Variants in ECT2 observed in about 807,000 individuals in gnomAD.
The protein encoded by ECT2 is protein ECT2.
ECT2 carries 61 observed loss-of-function variants against 116.9 expected under a neutral mutation model. The observed-to-expected ratio is 0.52, with a 90% confidence interval of 0.42 to 0.65. The LOEUF (loss-of-function observed/expected upper bound fraction) is 0.65, where lower values mean the gene tolerates loss of function less well. Ranked by LOEUF, ECT2 falls within the 30% of genes least tolerant of loss-of-function variation. ECT2 has a pLI of 0.00. For missense variants in ECT2, 937 were observed against 1,078.7 expected (o/e 0.87, Z 1.84); for synonymous variants, 358 against 346.4 (o/e 1.03, Z -0.37).
At chr3:172,757,681 C>T (rs1026334710) in intron 5 of ECT2, among the ~76,000 whole-genome samples, 1 of 152,110 alleles carries the variant, frequency 6.6e-6, no homozygotes, top group Non-Finnish European at 1.5e-5. Context: ...TCTCAAAGTT[C>T]TGGGATTACA....
chr3:172,799,614 C>G (rs1400450097), intron 18 of ECT2, among the ~76,000 whole-genome samples: 1 of 152,146 alleles, frequency 6.6e-6, no homozygotes, highest in Non-Finnish European at 1.5e-5. Flanking sequence ...TACTGGTGGT[C>G]CTTTCTGTAG....
At chr3:172,779,742 CAAA>C (rs1722358492) in intron 14 of ECT2, among the ~76,000 whole-genome samples, 1 of 151,458 alleles carries the variant, frequency 6.6e-6, no homozygotes, top group South Asian at 2.1e-4. Context: ...CCCATTTTTG[CAAA>C]AAATAAAACA....
intron 1 of ECT2, among the ~76,000 whole-genome samples, chr3:172,753,229 A>G (rs1264970783): frequency 6.6e-6 from 1 of 152,038 alleles, no homozygotes; most frequent in Non-Finnish European, 1.5e-5. Context: ...CCTCTTGAGT[A>G]GCTACTATAG....
chr3:172,818,457 C>T (rs1730142952), intron 24 of ECT2: 1 of 698,062 alleles, frequency 1.4e-6, no homozygotes, highest in Middle Eastern at 5.1e-4. Context: ...ATGGTTATGT[C>T]ACTTTTAATA....
At chr3:172,828,450 AAG>A in the ECT2 span, among the ~76,000 whole-genome samples, 1 of 152,140 alleles carries the variant, frequency 6.6e-6, no homozygotes, top group Non-Finnish European at 1.5e-5. Context: ...ACAGAAGTGA[AAG>A]AATCTGTTTA....
At chr3:172,775,324 G>A (rs1318646858) in intron 14 of ECT2, among the ~76,000 whole-genome samples, 2 of 152,036 alleles carry the variant, frequency 1.3e-5, no homozygotes, top group Non-Finnish European at 2.9e-5. Context: ...TTTTATTTTA[G>A]TATACATTAT....
intron 22 of ECT2, among the ~76,000 whole-genome samples, chr3:172,813,014 C>T (rs894060366): frequency 6.6e-6 from 1 of 152,010 alleles, no homozygotes; most frequent in Admixed American, 6.6e-5. Flanking sequence ...GAATCACATT[C>T]CTCAGTGCTT....
chr3:172,780,170 A>G (rs1323765258), intron 14 of ECT2, among the ~76,000 whole-genome samples: 4 of 152,078 alleles, frequency 2.6e-5, no homozygotes, highest in African/African-American at 9.7e-5. Context: ...TAGATATACT[A>G]TTTGATACAC....
At chr3:172,761,965 A>T (rs1718390987) in intron 8 of ECT2, among the ~76,000 whole-genome samples, 1 of 151,968 alleles carries the variant, frequency 6.6e-6, no homozygotes, top group South Asian at 2.1e-4. Flanking sequence ...GTGTATTTGG[A>T]TTTTGTTACA....
chr3:172,767,651 T>G (rs1439766232), intron 12 of ECT2, among the ~76,000 whole-genome samples: 1 of 152,138 alleles, frequency 6.6e-6, no homozygotes, highest in East Asian at 1.9e-4. Context: ...CTAACCATAT[T>G]AACAGTAAGA....
rs1015823294 is a variant in ECT2 at position 172,762,774 on chromosome 3, C to T, written c.973C>T (p.Pro325Ser). The T allele has an allele frequency of 6.2e-7, 1 of 1,612,554 alleles. No homozygotes were observed. Among genetic ancestry groups the T allele is most frequent in the African/African-American group, 1.3e-5 (1 of 74,856 alleles). Residue 325 changes from proline to serine, a missense_variant, in exon 10 of 25, where the codon CCT becomes TCT. Physicochemically the swap from Pro to Ser is moderately conservative, Grantham distance 74 (BLOSUM62 -1). Coordinates refer to ENST00000392692, the MANE Select transcript of ECT2 (RefSeq NM_001258315.2). ...ENIVKDLPFE[P>S]SKKLYVVKQE... Reference sequence around the variant, plus strand: ...TATAGTAAAAGATCTTCCCTTTGAACCTTCAAAGAAACTTTATGTTGTCAA... The same window carrying T: ...TATAGTAAAAGATCTTCCCTTTGAATCTTCAAAGAAACTTTATGTTGTCAA...
At position 172,807,856 on chromosome 3, in the gene ECT2, C is replaced by T; in HGVS notation, c.2332C>T (p.Leu778Phe). 16 of 1,613,950 alleles carry T rather than the reference C, an allele frequency of 9.9e-6. No homozygotes were observed. In the South Asian group the frequency reaches 1.3e-4, roughly 13 times the overall value. The change falls in exon 22 of 25, where the codon CTT becomes TTT. Residue 778 changes from leucine to phenylalanine, a missense_variant. Transcript: ENST00000392692. ...CAGTTTCCAGATGACATCAGATGAA[C>T]TTCCAAAAGAAAACTGGCTAAAGAT... ...LLSFQMTSDELPKENWLKMLC... is the reference protein window; with the variant it reads ...LLSFQMTSDEFPKENWLKMLC...
chr3:172,828,923 G>T, the ECT2 span: 1 of 1,461,654 alleles, frequency 6.8e-7, no homozygotes, highest in Non-Finnish European at 9.4e-7. Context: ...TCCAATGCCA[G>T]TCCCTGAACC....
chr3:172,761,638 T>C lies in ECT2; in HGVS notation c.713T>C (p.Met238Thr). The change falls in exon 8 of 25, where the codon ATG becomes ACG. Residue 238 changes from methionine (M) to threonine (T), a missense_variant. Physicochemically the swap from Met to Thr is moderately conservative, Grantham distance 81. Coordinates refer to ENST00000392692, the MANE Select transcript of ECT2 (RefSeq NM_001258315.2). The stretch of plus-strand genomic sequence containing the variant: ...GCTGTGAGTCTAGGTACTCCAATTA[T>C]GAAGCCAGAATGGATTTATAAAGCT... ...RVAVSLGTPIMKPEWIYKAWE... is the reference protein window; with the variant it reads ...RVAVSLGTPITKPEWIYKAWE... 1 of 1,611,700 alleles carries C rather than the reference T, an allele frequency of 6.2e-7. No homozygotes were observed. The highest frequency in any genetic ancestry group is 8.5e-7 in the Non-Finnish European group (1 of 1,178,468).
chr3:172,773,151 T>C (rs1281000087), intron 13 of ECT2, among the ~76,000 whole-genome samples: 1 of 152,330 alleles, frequency 6.6e-6, no homozygotes, highest in South Asian at 2.1e-4. Context: ...CTGTGTTGAT[T>C]CTTTCAATCC....
chr3:172,754,353 G>A (rs1716535765), intron 1 of ECT2, 156 bp from the exon 2 acceptor site: 1 of 508,514 alleles, frequency 2.0e-6, no homozygotes, highest in Admixed American at 3.9e-5. Context: ...TACAGAAAAA[G>A]AAACTGAGGC....
intron 6 of ECT2, 138 bp downstream of exon 6, chr3:172,759,207 A>T (rs554007722): frequency 1.4e-5 from 8 of 584,118 alleles, no homozygotes; most frequent in African/African-American, 1.1e-4. Context: ...CAGATTTTAA[A>T]TTTTCTGAAG....
At chr3:172,828,334 C>CTGTGTGTGTGTGTGTGTGTGTG in the ECT2 span, among the ~76,000 whole-genome samples, 2,175 of 150,244 alleles carry the variant, frequency 0.014, 57 homozygotes, top group African/African-American at 0.051. Context: ...TACCAACAGG[C>CTGTGTGTGTGTGTGTGTGTGTG]TGTGTGTGTG....
chr3:172,751,545 ATTAAGCG>A (rs1715834824), intron 1 of ECT2, among the ~76,000 whole-genome samples: 1 of 151,750 alleles, frequency 6.6e-6, no homozygotes, highest in South Asian at 2.1e-4. Context: ...TCTGCCACGT[ATTAAGCG>A]TTAAGTAAAT....
Sources: gnomAD v4.1 joint callset for allele counts (sites outside exome capture counted in the v4.1 genomes callset) on GRCh38, gnomAD v4.1.1 for gene constraint, MANE v1.5 for transcripts, NCBI Gene and HGNC (gene_info 2026-07-23, HGNC 2026-07-21) for gene names.